The following PCDH15 variants were observed in gnomAD, a reference collection of about 807,000 sequenced individuals.
PCDH15 encodes the protein protocadherin-15.
In PCDH15, 129 loss-of-function variants were observed where a neutral mutation model predicts 178.5. That is an observed-to-expected ratio of 0.72 (90% CI 0.63 to 0.84). PCDH15 has a LOEUF of 0.84. PCDH15 is among the 40% of genes least tolerant of loss of function. PCDH15 has a pLI of 0.00. For missense variants in PCDH15, 2,230 were observed against 2,099.9 expected (o/e 1.06, Z -1.21); for synonymous variants, 800 against 732.0 (o/e 1.09, Z -1.50).
At chr10:55,604,768 C>A (rs1843173629) in intron 2 of PCDH15, among the ~76,000 whole-genome samples, 1 of 131,652 alleles carries the variant, frequency 7.6e-6, no homozygotes. Flanking sequence ...AAATTTATAG[C>A]ACTAAATGCC....
rs181546406 is a variant in PCDH15, at chr10:54,122,659, C to G, written c.1917+10216G>C. Among the ~76,000 whole-genome samples the G allele has an allele frequency of 7.0e-3, 1,065 of 152,026 alleles. 41 individuals carry two copies. The highest frequency in any genetic ancestry group is 0.063 in the Admixed American group (967 of 15,258). Reference sequence around the variant, plus strand: ...TTATACCTAGAAAACCCTAAAGACTCTCTCAATAAGTTATTAGAACTGATC... The same window carrying G: ...TTATACCTAGAAAACCCTAAAGACTGTCTCAATAAGTTATTAGAACTGATC... On this transcript the variant is annotated intron_variant, in intron 15 of 37. Transcript: ENST00000644397.
intron 2 of PCDH15, among the ~76,000 whole-genome samples, chr10:54,564,100 T>G (rs2088636891): frequency 6.6e-6 from 1 of 151,498 alleles, no homozygotes; most frequent in African/African-American, 2.4e-5. Context: ...ACTAACTCAC[T>G]GCACTTTTTT....
intron 1 of PCDH15, among the ~76,000 whole-genome samples, chr10:55,313,919 TAGAC>T (rs1322952597): frequency 2.0e-5 from 3 of 151,890 alleles, no homozygotes; most frequent in Non-Finnish European, 4.4e-5. Flanking sequence ...ATGAGGGAGG[TAGAC>T]AGTGTAGGGG....
At chr10:54,070,727 C>T (rs1054702105) in intron 17 of PCDH15, among the ~76,000 whole-genome samples, 4 of 151,998 alleles carry the variant, frequency 2.6e-5, no homozygotes, top group African/African-American at 9.7e-5. Context: ...GTAGGTGGGA[C>T]TACAGGTGCA....
intron 6 of PCDH15, among the ~76,000 whole-genome samples, chr10:54,340,914 G>C (rs1249889718): frequency 2.0e-5 from 3 of 152,082 alleles, no homozygotes; most frequent in Non-Finnish European, 4.4e-5. Flanking sequence ...CCAGAAAAAG[G>C]TCATATACTA....
chr10:54,718,778 A>G (rs1248093411), intron 1 of PCDH15, among the ~76,000 whole-genome samples: 1 of 138,200 alleles, frequency 7.2e-6, no homozygotes, highest in Non-Finnish European at 1.5e-5. Flanking sequence ...TGCAACCTCC[A>G]CCTCCTGGGT....
chr10:54,455,014 T>G (rs1182038847), intron 3 of PCDH15, among the ~76,000 whole-genome samples: 1 of 152,152 alleles, frequency 6.6e-6, no homozygotes, highest in African/African-American at 2.4e-5. Context: ...GAATTTGTTC[T>G]CACAAGATAT....
intron 2 of PCDH15, among the ~76,000 whole-genome samples, chr10:54,622,599 A>AGT (rs2093392232): frequency 2.2e-5 from 1 of 46,320 alleles, no homozygotes; most frequent in African/African-American, 8.5e-5. Flanking sequence ...TATAATATAT[A>AGT]ATATATATAA....
intron 3 of PCDH15, among the ~76,000 whole-genome samples, chr10:54,455,076 C>A (rs772713100): frequency 9.2e-5 from 14 of 152,144 alleles, no homozygotes; most frequent in Admixed American, 1.3e-4. Context: ...CTCCTTCCTG[C>A]TGCCATGTGA....
chr10:55,074,183 G>T (rs1347587719), intron 2 of PCDH15, among the ~76,000 whole-genome samples: 1 of 152,148 alleles, frequency 6.6e-6, no homozygotes, highest in Non-Finnish European at 1.5e-5. Context: ...ACACGTGCAC[G>T]TATCTTTGTA....
At chr10:54,853,674 C>A (rs754537360) in intron 3 of PCDH15, among the ~76,000 whole-genome samples, 2 of 151,328 alleles carry the variant, frequency 1.3e-5, no homozygotes, top group Non-Finnish European at 2.9e-5. Flanking sequence ...TTTTTAAATG[C>A]ATTTGGCAGC....
At chr10:55,058,329 G>C (rs1448307564) in intron 2 of PCDH15, among the ~76,000 whole-genome samples, 1 of 151,984 alleles carries the variant, frequency 6.6e-6, no homozygotes, top group Non-Finnish European at 1.5e-5. Context: ...TCCCACCTCA[G>C]CCTCCAGAAT....
intron 18 of PCDH15, among the ~76,000 whole-genome samples, chr10:54,029,612 T>C (rs902667614): frequency 2.0e-5 from 3 of 152,160 alleles, no homozygotes; most frequent in African/African-American, 4.8e-5. Flanking sequence ...AGTTAGAGTA[T>C]ATGAAAGACA....
intron 3 of PCDH15, among the ~76,000 whole-genome samples, chr10:54,479,005 GA>G (rs557476375): frequency 0.03 from 2,880 of 95,868 alleles, 80 homozygotes; most frequent in African/African-American, 0.093. Context: ...CTAGGGAAAA[GA>G]AAAAAAAAAA....
chr10:55,436,559 T>G (rs2132063233), intron 2 of PCDH15, among the ~76,000 whole-genome samples: 1 of 152,210 alleles, frequency 6.6e-6, no homozygotes, highest in African/African-American at 2.4e-5. Flanking sequence ...CCTTACTGAT[T>G]ATTTAGGAAA....
At chr10:54,147,136 T>C (rs2044060619) in intron 14 of PCDH15, among the ~76,000 whole-genome samples, 2 of 151,032 alleles carry the variant, frequency 1.3e-5, no homozygotes, top group Admixed American at 6.6e-5. Context: ...TCAATTCAAT[T>C]TGAAGGATTA....
intron 1 of PCDH15, among the ~76,000 whole-genome samples, chr10:55,254,465 A>G (rs10763189): frequency 0.53 from 80,054 of 151,932 alleles, 21,465 homozygotes; most frequent in South Asian, 0.6. Flanking sequence ...TAAGAGCAAG[A>G]TATCTTTTCC....
intron 2 of PCDH15, among the ~76,000 whole-genome samples, chr10:54,629,405 G>C (rs1231082477): frequency 6.6e-6 from 1 of 152,156 alleles, no homozygotes; most frequent in Admixed American, 6.5e-5. Context: ...CCATGATCAA[G>C]AAGGCTATAT....
intron 4 of PCDH15, among the ~76,000 whole-genome samples, chr10:54,378,472 A>C (rs1032167428): frequency 1.3e-5 from 2 of 152,100 alleles, no homozygotes; most frequent in African/African-American, 4.8e-5. Flanking sequence ...TGTTGGACAG[A>C]AATGAGTTAT....
Sources: allele counts gnomAD v4.1 joint callset (sites outside exome capture counted in the v4.1 genomes callset), GRCh38; gene constraint gnomAD v4.1.1; transcripts MANE v1.5; gene names NCBI Gene and HGNC (gene_info 2026-07-23, HGNC 2026-07-21).